The following PIPOX variants were observed in gnomAD, a reference collection of about 807,000 sequenced individuals.
PIPOX encodes peroxisomal sarcosine oxidase.
PIPOX carries 45 observed loss-of-function variants against 47.9 expected under a neutral mutation model. The ratio of observed to expected loss-of-function variants is 0.94; its 90% CI spans 0.74 to 1.20. The LOEUF is 1.20. Among genes scored for constraint, PIPOX ranks in the 50% most tolerant of loss-of-function variants. PIPOX has a pLI of 0.00. For synonymous variants in PIPOX, 165 were observed against 191.3 expected, an observed-to-expected ratio of 0.86 and a Z score of 1.13; for missense variants, 458 against 498.4, an observed-to-expected ratio of 0.92 and a Z score of 0.77.
At position 29,053,021 on chromosome 17, in the gene PIPOX, C is replaced by A. The variant is rs1220890814; in HGVS notation, c.365C>A (p.Ser122Tyr). 1 of 1,614,244 alleles carries A rather than the reference C, an allele frequency of 6.2e-7. No homozygotes were observed. The highest frequency in any genetic ancestry group is 8.5e-7 in the Non-Finnish European group (1 of 1,180,028). ...RQRVEHQCLS[S>Y]EELKQRFPNI... ...AGGGTAGAACACCAGTGTCTTTCAT[C>A]TGAGGAACTGAAGCAACGTTTCCCA... The change falls in exon 3 of 8, where the codon TCT becomes TAT. Residue 122 changes from serine (S) to tyrosine (Y), a missense_variant. Physicochemically the swap from Ser to Tyr is moderately radical, Grantham distance 144 (BLOSUM62 -2). Coordinates refer to ENST00000323372, the MANE Select transcript of PIPOX (RefSeq NM_016518.3).
At chr17:29,047,229 G>C (rs554549283) in intron 2 of PIPOX, among the ~76,000 whole-genome samples, 74 of 152,302 alleles carry the variant, frequency 4.9e-4, no homozygotes, top group African/African-American at 1.7e-3. Context: ...GGCAGAGGTT[G>C]CAGTGAGCCG....
At chr17:29,048,934 G>A (rs961434314) in intron 2 of PIPOX, among the ~76,000 whole-genome samples, 8 of 152,176 alleles carry the variant, frequency 5.3e-5, no homozygotes, top group African/African-American at 1.9e-4. Context: ...AACCCACAGA[G>A]GGGAGAGCTG....
intron 2 of PIPOX, chr17:29,046,514 G>T: frequency 2.3e-6 from 2 of 854,614 alleles, no homozygotes; most frequent in Non-Finnish European, 2.8e-6. Flanking sequence ...GATTAAATGA[G>T]ACTTTTGTGA....
intron 2 of PIPOX, among the ~76,000 whole-genome samples, chr17:29,052,196 G>C (rs1408946027): frequency 6.6e-6 from 1 of 152,180 alleles, no homozygotes; most frequent in Non-Finnish European, 1.5e-5. Flanking sequence ...GGAGGGCAGG[G>C]GAGAATACAG....
At chr17:29,047,962 G>A (rs1005356253) in intron 2 of PIPOX, among the ~76,000 whole-genome samples, 1 of 150,560 alleles carries the variant, frequency 6.6e-6, no homozygotes, top group East Asian at 1.9e-4. Context: ...CCCCAGTTAC[G>A]AAAAATGAAA....
At chr17:29,054,169 C>A (rs1160523082) in intron 4 of PIPOX, among the ~76,000 whole-genome samples, 1 of 151,868 alleles carries the variant, frequency 6.6e-6, no homozygotes, top group South Asian at 2.1e-4. Flanking sequence ...GGTGACAGAG[C>A]AAGACCCTGT....
Position 29,055,890 on chromosome 17 carries a change from T to A in PIPOX, c.1042+2T>A. 6.2e-7 allele frequency: 1 copy of A among 1,613,708 alleles called. No individual in the cohort carries two copies. The highest frequency in any genetic ancestry group is 8.5e-7 in the Non-Finnish European group (1 of 1,179,616). On this transcript the variant is annotated splice_donor_variant, in intron 7 of 7. Coordinates refer to ENST00000323372, the MANE Select transcript of PIPOX (RefSeq NM_016518.3). LOFTEE classifies it high-confidence loss of function. ...TTGTCATTGGTGCTGGATTCTCTGG[T>A]GAGTCTGAGCTGGGGGGAATGGGGT...
intron 4 of PIPOX, 106 bp downstream of exon 4, chr17:29,053,701 G>C (rs2065816298): frequency 1.3e-6 from 1 of 756,142 alleles, no homozygotes; most frequent in African/African-American, 1.7e-5. Flanking sequence ...GACAACCTTG[G>C]GCACATTCAT....
intron 4 of PIPOX, 69 bp from the exon 5 acceptor site, chr17:29,054,476 G>T (rs1470418048): frequency 1.9e-6 from 3 of 1,581,640 alleles, no homozygotes; most frequent in African/African-American, 2.7e-5. Context: ...GGGGCCCAGA[G>T]AAACTGCTTT....
chr17:29,056,545 T>A lies in PIPOX; in HGVS notation c.*240T>A. ...AGTCTACCTTCTTTTCTTGGCCACC[T>A]CCCCATTCACAACTACTTTCTCGCT... On this transcript the variant is annotated 3_prime_UTR_variant, in exon 8 of 8. Coordinates refer to ENST00000323372, the MANE Select transcript of PIPOX (RefSeq NM_016518.3). The A allele has an allele frequency of 3.5e-6, 2 of 565,012 alleles. No individual in the cohort carries two copies. The highest frequency in any genetic ancestry group is 6.3e-6 in the Non-Finnish European group (2 of 318,882). 35.0% of individuals were successfully genotyped at this position (565,012 alleles called of 1,614,324 possible).
chr17:29,056,191 G>C lies in PIPOX; in HGVS notation c.1059G>C (p.Leu353=), dbSNP rs1467106985. Reference sequence around the variant, plus strand: ...CCTTCCTAGGGCACGGGTTCAAGCTGGCCCCTGTGGTGGGGAAGATCCTGT... The same window carrying C: ...CCTTCCTAGGGCACGGGTTCAAGCTCGCCCCTGTGGTGGGGAAGATCCTGT... ...GAGFSGHGFK[L]APVVGKILYE... The change falls in exon 8 of 8, where the codon CTG becomes CTC. Residue 353 remains leucine (L), a synonymous_variant. Coordinates refer to ENST00000323372, the MANE Select transcript of PIPOX (RefSeq NM_016518.3). 1.2e-6 allele frequency: 2 copies of C among 1,614,172 alleles called. No homozygotes were observed. The highest frequency in any genetic ancestry group is 2.2e-5 in the South Asian group (2 of 91,080).
intron 2 of PIPOX, among the ~76,000 whole-genome samples, chr17:29,047,575 A>T (rs1331187576): frequency 6.6e-6 from 1 of 152,260 alleles, no homozygotes; most frequent in African/African-American, 2.4e-5. Flanking sequence ...GTAGTGTGAA[A>T]GCAAGATGTA....
At chr17:29,050,866 G>A (rs899380883) in intron 2 of PIPOX, among the ~76,000 whole-genome samples, 4 of 151,734 alleles carry the variant, frequency 2.6e-5, no homozygotes, top group African/African-American at 7.3e-5. Context: ...GTTTGGCCAG[G>A]TGCAGTGGCC....
At position 29,044,877 on chromosome 17, in the gene PIPOX, C is replaced by G. The variant is rs148923684; in HGVS notation, c.133C>G (p.Arg45Gly). Reference protein sequence around the residue: ...LLEQFFLPHSRGSSHGQSRII... With the variant: ...LLEQFFLPHSGGSSHGQSRII... ...CTTCCAGTTCTTTCTACCACACTCC[C>G]GAGGAAGCTCCCATGGACAAAGCCG... Residue 45 changes from arginine (R) to glycine (G), a missense_variant, in exon 2 of 8, where the codon CGA becomes GGA. Arg to Gly is a moderately radical substitution (Grantham distance 125). Transcript: ENST00000323372. The G allele has an allele frequency of 6.2e-7, 1 of 1,612,996 alleles. No homozygotes were observed. Among genetic ancestry groups the G allele is most frequent in the Non-Finnish European group, 8.5e-7 (1 of 1,179,628 alleles).
intron 2 of PIPOX, among the ~76,000 whole-genome samples, chr17:29,049,210 A>G (rs1359036271): frequency 6.6e-6 from 1 of 152,190 alleles, no homozygotes; most frequent in Non-Finnish European, 1.5e-5. Flanking sequence ...GACTCAGCTG[A>G]TGGGCATTCT....
At chr17:29,052,724 T>C (rs2065810908) in intron 2 of PIPOX, among the ~76,000 whole-genome samples, 196 bp from the exon 3 acceptor site, 1 of 152,238 alleles carries the variant, frequency 6.6e-6, no homozygotes, top group African/African-American at 2.4e-5. Context: ...CATGCTTGGC[T>C]ACTTTTTAAA....
chr17:29,044,780 C>A, intron 1 of PIPOX, 79 bp from the exon 2 acceptor site: 1 of 1,412,076 alleles, frequency 7.1e-7, no homozygotes, highest in South Asian at 1.4e-5. Context: ...GTTGACAGCA[C>A]ATGCTGATAT....
rs748101195 is a variant in PIPOX, at chr17:29,053,487, C to A, written c.552C>A (p.Val184=). The A allele has an allele frequency of 6.2e-6, 10 of 1,614,096 alleles. No homozygotes were observed. The highest frequency in any genetic ancestry group is 1.3e-5 in the African/African-American group (1 of 75,024). The change falls in exon 4 of 8, where the codon GTC becomes GTA. Residue 184 remains valine (V), a synonymous_variant. Transcript: ENST00000323372. ...TGGAGATAAACCCAGGGCTACTGGT[C>A]ACGGTGAAAACCACCTCCAGGAGCT... ...KVVEINPGLL[V]TVKTTSRSYQ...
chr17:29,049,293 G>A (rs896855285), intron 2 of PIPOX, among the ~76,000 whole-genome samples: 1 of 152,100 alleles, frequency 6.6e-6, no homozygotes, highest in African/African-American at 2.4e-5. Context: ...CTTCTTTGTA[G>A]CTAGTCCTGA....
Sources: gnomAD v4.1 joint callset for allele counts (sites outside exome capture counted in the v4.1 genomes callset) on GRCh38, gnomAD v4.1.1 for gene constraint, MANE v1.5 for transcripts, NCBI Gene and HGNC (gene_info 2026-07-23, HGNC 2026-07-21) for gene names.